LYPD6: variants seen among roughly 807,000 people sequenced by gnomAD.
The protein encoded by LYPD6 is ly6/PLAUR domain-containing protein 6.
Under a neutral mutation model 22.7 loss-of-function variants are expected in LYPD6, and 15 were observed. The observed-to-expected ratio is 0.66, with a 90% CI of 0.44 to 1.02. LYPD6 has a LOEUF of 1.02. Among genes scored for constraint, LYPD6 ranks in the 50% least tolerant of loss-of-function variants. The probability of loss-of-function intolerance (pLI) is 0.00; values close to 1 mark genes in which losing one functional copy is unlikely to be tolerated. For synonymous variants in LYPD6, 72 were observed against 77.5 expected, an observed-to-expected ratio of 0.93 and a Z score of 0.37; for missense variants, 189 against 208.4, an observed-to-expected ratio of 0.91 and a Z score of 0.57.
At position 149,337,243 on chromosome 2, in the gene LYPD6, A is replaced by T. The variant is rs568012133; in HGVS notation, c.-72+6521A>T. ...GTTGGAATGTTTTGAATTGAATGAT[A>T]GGATTAAAAACTCTGATAAGCATGT... On this transcript the variant is annotated intron_variant, in intron 1 of 4. Transcript: ENST00000334166. Among the ~76,000 whole-genome samples the T allele has an allele frequency of 1.1e-4, 17 of 152,256 alleles. No individual in the cohort carries two copies. The South Asian group carries it at 3.3e-3, about 30-fold the overall frequency.
At chr2:149,435,821 G>T (rs1297266888) in intron 1 of LYPD6, among the ~76,000 whole-genome samples, 1 of 152,094 alleles carries the variant, frequency 6.6e-6, no homozygotes, top group Admixed American at 6.6e-5. Context: ...AATTAGCAAG[G>T]TTGGCATTAT....
intron 3 of LYPD6, among the ~76,000 whole-genome samples, chr2:149,463,190 C>T (rs939195152): frequency 6.6e-6 from 1 of 151,902 alleles, no homozygotes; most frequent in Admixed American, 6.6e-5. Flanking sequence ...TCAGAACACA[C>T]CAGTAAACAA....
intron 1 of LYPD6, chr2:149,367,966 T>A (rs1681717663): frequency 6.6e-6 from 1 of 152,220 alleles, no homozygotes; most frequent in African/African-American, 2.4e-5. Context: ...AAAAGCCTTT[T>A]TTGAATCGCA....
chr2:149,418,888 C>T (rs1479420637), intron 1 of LYPD6, among the ~76,000 whole-genome samples: 2 of 152,218 alleles, frequency 1.3e-5, no homozygotes, highest in Non-Finnish European at 2.9e-5. Context: ...AAAGGCAGTT[C>T]TTTTGTTCAC....
At chr2:149,396,238 T>G (rs895874576) in intron 1 of LYPD6, among the ~76,000 whole-genome samples, 2 of 152,174 alleles carry the variant, frequency 1.3e-5, no homozygotes, top group African/African-American at 4.8e-5. Context: ...CTCTGCTTTT[T>G]TTTTCCTCTT....
chr2:149,475,902 C>T (rs1472534825), downstream of LYPD6, among the ~76,000 whole-genome samples: 1 of 152,130 alleles, frequency 6.6e-6, no homozygotes, highest in Non-Finnish European at 1.5e-5. Context: ...GATCCCTGAT[C>T]CAGGATTCTT....
At chr2:149,407,596 G>A (rs1458255189) in intron 1 of LYPD6, among the ~76,000 whole-genome samples, 1 of 152,054 alleles carries the variant, frequency 6.6e-6, no homozygotes, top group Non-Finnish European at 1.5e-5. Flanking sequence ...GCTCCTTTAA[G>A]CACTTCTCTG....
At chr2:149,411,800 G>C (rs963590862) in intron 1 of LYPD6, among the ~76,000 whole-genome samples, 1 of 152,056 alleles carries the variant, frequency 6.6e-6, no homozygotes, top group African/African-American at 2.4e-5. Context: ...CCTTAGTGAT[G>C]GCTCTTTCCC....
intron 1 of LYPD6, among the ~76,000 whole-genome samples, chr2:149,345,828 A>G (rs1011353564): frequency 4.6e-5 from 7 of 152,166 alleles, no homozygotes; most frequent in African/African-American, 9.7e-5. Flanking sequence ...CAAATATATA[A>G]AAGATATATT....
At chr2:149,406,264 GC>G (rs1359530855) in intron 1 of LYPD6, among the ~76,000 whole-genome samples, 3 of 152,060 alleles carry the variant, frequency 2.0e-5, no homozygotes, top group Non-Finnish European at 4.4e-5. Context: ...TTGGTGCAGA[GC>G]TGAGTTCAAT....
At chr2:149,372,207 G>A (rs986641013) in intron 1 of LYPD6, among the ~76,000 whole-genome samples, 3 of 152,080 alleles carry the variant, frequency 2.0e-5, no homozygotes, top group Admixed American at 6.6e-5. Context: ...TCAAGCTGCC[G>A]CAGCACAGCC....
intron 2 of LYPD6, chr2:149,440,002 G>C: frequency 6.5e-6 from 1 of 152,790 alleles, no homozygotes; most frequent in East Asian, 1.9e-4. Flanking sequence ...ACCATCAAGC[G>C]TATGCATGTA....
chr2:149,451,919 A>T (rs1451519019), intron 3 of LYPD6, among the ~76,000 whole-genome samples: 1 of 152,194 alleles, frequency 6.6e-6, no homozygotes, highest in Non-Finnish European at 1.5e-5. Flanking sequence ...AGATGTCAAA[A>T]TTAGCAGGAC....
At chr2:149,454,732 A>G (rs1423342778) in intron 3 of LYPD6, among the ~76,000 whole-genome samples, 6 of 152,184 alleles carry the variant, frequency 3.9e-5, no homozygotes, top group Non-Finnish European at 8.8e-5. Context: ...TTGCTGCACA[A>G]TCTTGCCAAC....
chr2:149,384,940 T>C (rs1387120909), intron 1 of LYPD6, among the ~76,000 whole-genome samples: 1 of 146,652 alleles, frequency 6.8e-6, no homozygotes, highest in East Asian at 2.1e-4. Flanking sequence ...CCATGTGTTC[T>C]CATTGTTCAA....
At chr2:149,347,185 G>T (rs1681273734) in intron 1 of LYPD6, among the ~76,000 whole-genome samples, 1 of 152,036 alleles carries the variant, frequency 6.6e-6, no homozygotes, top group Admixed American at 6.6e-5. Context: ...AGAGGAGGAG[G>T]AGGTGGAGGA....
At chr2:149,440,656 G>A (rs1683542145) in intron 2 of LYPD6, among the ~76,000 whole-genome samples, 1 of 150,330 alleles carries the variant, frequency 6.7e-6, no homozygotes, top group African/African-American at 2.4e-5. Flanking sequence ...ACTATGAATG[G>A]CTCCTACTTG....
At chr2:149,479,323 T>C in the LYPD6 span, among the ~76,000 whole-genome samples, 12 of 152,316 alleles carry the variant, frequency 7.9e-5, no homozygotes, top group East Asian at 2.3e-3. Flanking sequence ...TAATCTTTCC[T>C]AGGTGATTCT....
Position 149,439,121 on chromosome 2 carries a change from AT to A in LYPD6, c.118+1297del, listed in dbSNP as rs542662070. ...AGGCAATCAAATGGTTGTTTACATT[AT>A]TGTTTTTATTATCGTTGGCTTAGTA... On this transcript the variant is annotated intron_variant, in intron 2 of 4. Transcript: ENST00000334166. 1.7e-4 allele frequency among the ~76,000 whole-genome samples: 26 copies of A among 152,326 alleles called. No homozygotes were observed. In the South Asian group the frequency reaches 5.4e-3, roughly 32 times the overall value.
Sources: gnomAD v4.1 joint callset for allele counts (sites outside exome capture counted in the v4.1 genomes callset) on GRCh38, gnomAD v4.1.1 for gene constraint, MANE v1.5 for transcripts, NCBI Gene and HGNC (gene_info 2026-07-23, HGNC 2026-07-21) for gene names.